The following FAM135A variants were observed in gnomAD, a reference collection of about 807,000 sequenced individuals.
The protein encoded by FAM135A is family with sequence similarity 135 member A.
FAM135A carries 79 observed loss-of-function variants against 146.8 expected under a neutral mutation model. The observed-to-expected ratio is 0.54, with a 90% CI of 0.45 to 0.65. FAM135A has a LOEUF of 0.65. Ranked by LOEUF, FAM135A falls within the 30% of genes least tolerant of loss-of-function variation. FAM135A has a pLI of 0.00. For synonymous variants in FAM135A, 562 were observed against 603.6 expected (o/e 0.93, Z 1.01); for missense variants, 1,623 against 1,758.2 (o/e 0.92, Z 1.38).
intron 4 of FAM135A, among the ~76,000 whole-genome samples, chr6:70,430,068 GGCTCAC>G (rs1329623875): frequency 6.6e-6 from 1 of 152,148 alleles, no homozygotes; most frequent in Non-Finnish European, 1.5e-5. Context: ...CGGGTGCGGT[GGCTCAC>G]GCCTGTAATC....
intron 20 of FAM135A, among the ~76,000 whole-genome samples, chr6:70,545,899 T>G (rs2128465840): frequency 6.6e-6 from 1 of 152,328 alleles, no homozygotes; most frequent in Middle Eastern, 3.4e-3. Context: ...CTGCATCATG[T>G]TAAGCCAATA....
intron 5 of FAM135A, among the ~76,000 whole-genome samples, chr6:70,454,828 T>C (rs1777962106): frequency 6.6e-6 from 1 of 152,210 alleles, no homozygotes; most frequent in Non-Finnish European, 1.5e-5. Context: ...TGTTGGTTAC[T>C]GTAGCCTTGT....
At position 70,559,969 on chromosome 6, in the gene FAM135A, T is replaced by C; in HGVS notation, c.*48T>C. Reference sequence around the variant, plus strand: ...GGACAATTACCTCATTCAACAATGTTTCAAATAATGTATTATATTAAAATG... The same window carrying C: ...GGACAATTACCTCATTCAACAATGTCTCAAATAATGTATTATATTAAAATG... On this transcript the variant is annotated 3_prime_UTR_variant, in exon 22 of 22. Transcript: ENST00000418814. The C allele has an allele frequency of 1.4e-6, 2 of 1,402,060 alleles. No homozygotes were observed. The highest frequency in any genetic ancestry group is 2.0e-6 in the Non-Finnish European group (2 of 1,008,334). 86.9% of individuals were successfully genotyped at this position (1,402,060 alleles called of 1,614,324 possible).
intron 12 of FAM135A, among the ~76,000 whole-genome samples, chr6:70,521,675 T>C (rs991221509): frequency 2.6e-5 from 4 of 152,212 alleles, no homozygotes; most frequent in African/African-American, 4.8e-5. Context: ...TGTAATATAA[T>C]TTCTCCTCCC....
intron 18 of FAM135A, among the ~76,000 whole-genome samples, chr6:70,535,203 G>C (rs945683267): frequency 6.6e-6 from 1 of 152,174 alleles, no homozygotes; most frequent in African/African-American, 2.4e-5. Flanking sequence ...CGGGAGGGAA[G>C]TTTGTCCTGA....
At chr6:70,473,176 C>T (rs1781948588) in intron 5 of FAM135A, among the ~76,000 whole-genome samples, 1 of 152,148 alleles carries the variant, frequency 6.6e-6, no homozygotes, top group African/African-American at 2.4e-5. Flanking sequence ...AGCTTCTATG[C>T]CCTTTTGTTG....
chr6:70,524,263 A>G (rs1390808589), intron 14 of FAM135A, 80 bp from the exon 15 acceptor site: 1 of 1,399,944 alleles, frequency 7.1e-7, no homozygotes, highest in East Asian at 2.5e-5. Context: ...ATTAGAAGTT[A>G]TAGTTAGAAA....
chr6:70,536,224 T>G, intron 18 of FAM135A, 36 bp from the exon 19 acceptor site: 1 of 1,554,574 alleles, frequency 6.4e-7, no homozygotes, highest in South Asian at 1.2e-5. Flanking sequence ...CTAAAACTAA[T>G]GCTGTGAGAA....
chr6:70,487,172 GTTTGT>G (rs1784859246), intron 10 of FAM135A, among the ~76,000 whole-genome samples: 1 of 147,760 alleles, frequency 6.8e-6, no homozygotes, highest in South Asian at 2.2e-4. Flanking sequence ...TTGTATGTTT[GTTTGT>G]TTGTTTTAGT....
intron 11 of FAM135A, among the ~76,000 whole-genome samples, chr6:70,493,144 G>A (rs1302724955): frequency 1.3e-5 from 2 of 151,902 alleles, no homozygotes; most frequent in East Asian, 1.9e-4. Context: ...AATCCATGAA[G>A]CTTGATACTG....
At chr6:70,477,622 C>T (rs1484818876) in intron 8 of FAM135A, among the ~76,000 whole-genome samples, 1 of 152,078 alleles carries the variant, frequency 6.6e-6, no homozygotes, top group African/African-American at 2.4e-5. Context: ...AGAACTCACT[C>T]ACTATCATGA....
intron 20 of FAM135A, among the ~76,000 whole-genome samples, chr6:70,540,410 C>T (rs950426934): frequency 3.3e-5 from 5 of 150,218 alleles, no homozygotes; most frequent in East Asian, 3.9e-4. Flanking sequence ...CTGCAAGCTC[C>T]GCCTCCCGAG....
chr6:70,471,052 T>G (rs530402581), intron 5 of FAM135A, among the ~76,000 whole-genome samples: 3 of 152,354 alleles, frequency 2.0e-5, no homozygotes, highest in African/African-American at 7.2e-5. Context: ...AAATACGGTA[T>G]GATTGCTAGG....
intron 20 of FAM135A, among the ~76,000 whole-genome samples, chr6:70,545,127 A>G (rs1421263878): frequency 1.3e-5 from 2 of 152,202 alleles, no homozygotes. Flanking sequence ...ACTTTTACAC[A>G]AACAATATAT....
intron 12 of FAM135A, among the ~76,000 whole-genome samples, chr6:70,507,304 G>A (rs1382241924): frequency 6.6e-6 from 1 of 152,102 alleles, no homozygotes; most frequent in African/African-American, 2.4e-5. Context: ...CAATTCAAGA[G>A]GAACCTTGCT....
chr6:70,463,419 TAA>T (rs80004977), intron 5 of FAM135A, among the ~76,000 whole-genome samples: 8 of 142,152 alleles, frequency 5.6e-5, no homozygotes, highest in Admixed American at 7.1e-5. Flanking sequence ...CTGGCCTAAT[TAA>T]AAAAAAAAAA....
chr6:70,528,540 T>TA (rs1249209185), intron 16 of FAM135A, 88 bp downstream of exon 16: 12 of 1,210,396 alleles, frequency 9.9e-6, no homozygotes, highest in African/African-American at 3.1e-5. Flanking sequence ...GTCTTTGAAC[T>TA]AAAAAAAGAT....
intron 12 of FAM135A, chr6:70,513,334 C>T (rs1454940731): frequency 6.8e-6 from 1 of 146,384 alleles, no homozygotes; most frequent in African/African-American, 2.5e-5. Flanking sequence ...AGCAGGTTTT[C>T]TGGTTTTTAT....
At chr6:70,505,271 A>G (rs527546440) in intron 12 of FAM135A, among the ~76,000 whole-genome samples, 5 of 152,194 alleles carry the variant, frequency 3.3e-5, no homozygotes, top group African/African-American at 9.6e-5. Flanking sequence ...TTGATATTTA[A>G]TGTATGGCCC....
Sources: gnomAD v4.1 joint callset for allele counts (sites outside exome capture counted in the v4.1 genomes callset) on GRCh38, gnomAD v4.1.1 for gene constraint, MANE v1.5 for transcripts, NCBI Gene and HGNC (gene_info 2026-07-23, HGNC 2026-07-21) for gene names.